The following GYG1 variants were observed in gnomAD, a reference collection of about 807,000 sequenced individuals.
GYG1 encodes glycogenin-1.
In GYG1, 44 loss-of-function variants were observed where a neutral mutation model predicts 41.9. The ratio of observed to expected loss-of-function variants is 1.05; its 90% CI spans 0.83 to 1.35. GYG1 has a LOEUF of 1.35. GYG1 is among the 40% of genes most tolerant of loss of function. GYG1 has a pLI of 0.00. For missense variants in GYG1, 429 were observed against 418.9 expected (o/e 1.02, Z -0.21); for synonymous variants, 141 against 158.1 (o/e 0.89, Z 0.81).
chr3:149,009,802 A>G (rs1713617100), intron 5 of GYG1, among the ~76,000 whole-genome samples: 1 of 152,214 alleles, frequency 6.6e-6, no homozygotes, highest in Non-Finnish European at 1.5e-5. Context: ...AAAAGGTGTT[A>G]AAAGCTCCCT....
At chr3:149,017,500 C>T (rs372705791) in intron 5 of GYG1, among the ~76,000 whole-genome samples, 8 of 150,064 alleles carry the variant, frequency 5.3e-5, no homozygotes, top group East Asian at 3.9e-4. Flanking sequence ...GTCAGTTCAA[C>T]GCTATCTTCT....
In GYG1 at chr3:149,029,569, G is replaced by A. The variant is rs1304176508; in HGVS notation, c.*2636G>A. On this transcript the variant is annotated 3_prime_UTR_variant, in exon 8 of 8. Transcript: ENST00000345003. ...TAAAAACTTGAGGTTAAACATTTGA[G>A]TTTTTGTTAAGAGCCAAACATCAAA... 6.6e-6 allele frequency among the ~76,000 whole-genome samples: 1 copy of A among 152,214 alleles called. No homozygotes were observed. Among genetic ancestry groups the A allele is most frequent in the African/African-American group, 2.4e-5 (1 of 41,468 alleles).
At chr3:149,002,154 A>G (rs1207260293) in intron 4 of GYG1, among the ~76,000 whole-genome samples, 1 of 152,206 alleles carries the variant, frequency 6.6e-6, no homozygotes, top group Non-Finnish European at 1.5e-5. Context: ...CATTATTTCA[A>G]ACATAATTTT....
intron 5 of GYG1, among the ~76,000 whole-genome samples, chr3:149,020,655 G>A (rs568390696): frequency 6.6e-6 from 1 of 152,338 alleles, no homozygotes; most frequent in East Asian, 1.9e-4. Context: ...ACTGTCAAGA[G>A]AGCAGGTTAG....
At chr3:148,991,967 G>T (rs959204012) in intron 1 of GYG1, among the ~76,000 whole-genome samples, 1 of 152,092 alleles carries the variant, frequency 6.6e-6, no homozygotes, top group African/African-American at 2.4e-5. Context: ...GGGGCCGTGT[G>T]GGGGTGGGGA....
chr3:149,027,377 G>T lies in GYG1; in HGVS notation c.*444G>T. On this transcript the variant is annotated 3_prime_UTR_variant, in exon 8 of 8. Coordinates refer to ENST00000345003, the MANE Select transcript of GYG1 (RefSeq NM_004130.4). ...ATTGCCCAGTGCTGCCAGAGTGAGT[G>T]AGTGTAATTCTCCTTTCAGGTAAAG... 5.2e-6 allele frequency: 1 copy of T among 193,890 alleles called. No individual in the cohort carries two copies. The highest frequency in any genetic ancestry group is 1.1e-5 in the Non-Finnish European group (1 of 92,210). 12.0% of individuals were successfully genotyped at this position (193,890 alleles called of 1,614,324 possible).
intron 4 of GYG1, among the ~76,000 whole-genome samples, chr3:149,000,118 C>T (rs191704497): frequency 7.2e-5 from 11 of 152,198 alleles, no homozygotes; most frequent in Admixed American, 2.6e-4. Flanking sequence ...AGCCTCTCCA[C>T]CTCTCTATTC....
chr3:148,997,053 A>C (rs535827590), intron 4 of GYG1, 149 bp downstream of exon 4: 7 of 613,698 alleles, frequency 1.1e-5, no homozygotes, highest in Non-Finnish European at 1.7e-5. Flanking sequence ...TCTGGGAAAT[A>C]TTGTGTGTGT....
Position 149,015,717 on chromosome 3 carries a change from G to A in GYG1, c.608+6315G>A, listed in dbSNP as rs907637648. 3.3e-5 allele frequency among the ~76,000 whole-genome samples: 5 copies of A among 152,314 alleles called. No individual in the cohort carries two copies. In the South Asian group the frequency reaches 1.0e-3, roughly 32 times the overall value. On this transcript the variant is annotated intron_variant, in intron 5 of 7. Transcript: ENST00000345003. Reference sequence around the variant, plus strand: ...GACTGAAGGAGGAGAATTGGAGGCAGTGAATGTAGACAGCTCTTCTGAGGC... The same window carrying A: ...GACTGAAGGAGGAGAATTGGAGGCAATGAATGTAGACAGCTCTTCTGAGGC...
chr3:149,028,595 CCATT>C lies in GYG1; in HGVS notation c.*1665_*1668del. On this transcript the variant is annotated 3_prime_UTR_variant, in exon 8 of 8. Coordinates refer to ENST00000345003, the MANE Select transcript of GYG1 (RefSeq NM_004130.4). ...GATATAAAATGTCTTATTTTTGTGG[CCATT>C]CAGTTGCATTCAACGTTAATTTTTT... Among the ~76,000 whole-genome samples, 1 of 152,122 alleles carries C rather than the reference CCATT, an allele frequency of 6.6e-6. No individual in the cohort carries two copies. Among genetic ancestry groups the C allele is most frequent in the East Asian group, 1.9e-4 (1 of 5,180 alleles).
Position 149,030,042 on chromosome 3 carries a change from TG to T in GYG1, c.*3110del, listed in dbSNP as rs1003253858. ...TAATCTTCATGTACTCTCAAAAAAA[TG>T]TAACACTTGCATAGAAATGTCACAA... is the stretch of plus-strand genomic sequence containing the variant. On this transcript the variant is annotated 3_prime_UTR_variant, in exon 8 of 8. Coordinates refer to ENST00000345003, the MANE Select transcript of GYG1 (RefSeq NM_004130.4). 19 of 152,294 alleles carry T rather than the reference TG, an allele frequency of 1.2e-4. No homozygotes were observed. Among genetic ancestry groups the T allele is most frequent in the Non-Finnish European group, 1.8e-4 (12 of 68,006 alleles). 9.4% of individuals were successfully genotyped at this position (152,294 alleles called of 1,614,324 possible). A position where few individuals can be genotyped will look rare whatever the true frequency, so the allele number is the denominator to read the frequency against.
intron 5 of GYG1, among the ~76,000 whole-genome samples, chr3:149,017,972 G>T (rs73162990): frequency 0.022 from 3,292 of 152,118 alleles, 59 homozygotes; most frequent in Admixed American, 0.027. Context: ...GTTGCATTTG[G>T]TGGGAGAGAG....
In GYG1 at chr3:148,995,782, A is replaced by C. The variant is rs981275827; in HGVS notation, c.144-520A>C. Among the ~76,000 whole-genome samples the C allele has an allele frequency of 2.0e-5, 3 of 152,170 alleles. No homozygotes were observed. The East Asian group carries it at 5.8e-4, about 29-fold the overall frequency. ...TCAGTTTAGTGTCTTACCCAAGTCT[A>C]CCCTACCGATCCACCATAAAGAGCT... On this transcript the variant is annotated intron_variant, in intron 2 of 7. Transcript: ENST00000345003.
Position 149,028,705 on chromosome 3 carries a change from A to ATTTTTTTTTTTTTTTTTTTTTTTTTTTT in GYG1, c.*1795_*1796insTTTTTTTTTTTTTTTTTTTTTTTTTTTT, listed in dbSNP as rs71617496. Among the ~76,000 whole-genome samples, 5 of 133,720 alleles carry ATTTTTTTTTTTTTTTTTTTTTTTTTTTT rather than the reference A, an allele frequency of 3.7e-5. No homozygotes were observed. The highest frequency in any genetic ancestry group is 6.3e-5 in the Non-Finnish European group (4 of 63,392). The allele number at this position is 133,720 out of a possible 152,430, so 87.7% of individuals were successfully genotyped here. On this transcript the variant is annotated 3_prime_UTR_variant, in exon 8 of 8. Coordinates refer to ENST00000345003, the MANE Select transcript of GYG1 (RefSeq NM_004130.4). ...GGTGGAAAAGCTGACATAGTTTTAA[A>ATTTTTTTTTTTTTTTTTTTTTTTTTTTT]TTTTTTTTTTTTTTTTTTTTTTTCT...
chr3:148,993,781 G>C (rs966169001), intron 1 of GYG1, among the ~76,000 whole-genome samples: 1 of 152,220 alleles, frequency 6.6e-6, no homozygotes, highest in African/African-American at 2.4e-5. Flanking sequence ...ACTGTCTACA[G>C]TACCTTGTAG....
chr3:148,996,253 T>C, intron 2 of GYG1, 49 bp from the exon 3 acceptor site: 1 of 1,369,602 alleles, frequency 7.3e-7, no homozygotes, highest in South Asian at 1.2e-5. Flanking sequence ...GATGGGTCAC[T>C]TGTTCTGAAA....
At chr3:149,017,209 C>T (rs957235174) in intron 5 of GYG1, among the ~76,000 whole-genome samples, 49 of 152,300 alleles carry the variant, frequency 3.2e-4, no homozygotes, top group African/African-American at 1.2e-3. Flanking sequence ...TAACGGCTCA[C>T]ATAAGCAGTA....
At chr3:149,011,693 C>T (rs1195652995) in intron 5 of GYG1, among the ~76,000 whole-genome samples, 1 of 152,196 alleles carries the variant, frequency 6.6e-6, no homozygotes, top group Non-Finnish European at 1.5e-5. Flanking sequence ...TTTATATCCT[C>T]CAAATGAATT....
chr3:149,004,857 T>G (rs1264743088), intron 4 of GYG1, among the ~76,000 whole-genome samples: 1 of 152,214 alleles, frequency 6.6e-6, no homozygotes, highest in Non-Finnish European at 1.5e-5. Flanking sequence ...GGCACACAGC[T>G]GATGGGCTGA....
Sources: gnomAD v4.1 joint callset for allele counts (sites outside exome capture counted in the v4.1 genomes callset) on GRCh38, gnomAD v4.1.1 for gene constraint, MANE v1.5 for transcripts, NCBI Gene and HGNC (gene_info 2026-07-23, HGNC 2026-07-21) for gene names.